SGCZ: variants seen among roughly 807,000 people sequenced by gnomAD.
SGCZ encodes zeta-sarcoglycan.
A neutral mutation model predicts 41.3 loss-of-function variants in SGCZ; 40 were observed. The ratio of observed to expected loss-of-function variants is 0.97; its 90% CI spans 0.75 to 1.26. SGCZ has a LOEUF of 1.26. SGCZ is among the 50% of genes most tolerant of loss of function. The pLI, the probability that SGCZ is intolerant of heterozygous loss-of-function variation, is 0.00. For missense variants in SGCZ, 552 were observed against 369.8 expected (o/e 1.49, Z -4.04); for synonymous variants, 206 against 137.5 (o/e 1.50, Z -3.49).
intron 4 of SGCZ, among the ~76,000 whole-genome samples, chr8:14,205,983 AAAG>A (rs1585230726): frequency 1.3e-5 from 2 of 152,124 alleles, no homozygotes; most frequent in African/African-American, 4.8e-5. Flanking sequence ...AGATTTAACT[AAAG>A]AAGTTACATA....
chr8:14,932,398 C>G (rs910281688), intron 1 of SGCZ, among the ~76,000 whole-genome samples: 1 of 151,984 alleles, frequency 6.6e-6, no homozygotes, highest in Non-Finnish European at 1.5e-5. Context: ...CAAAATGTCT[C>G]TTTCATCATG....
chr8:14,599,341 T>C (rs1055393112), intron 1 of SGCZ, among the ~76,000 whole-genome samples: 2 of 152,196 alleles, frequency 1.3e-5, no homozygotes, highest in African/African-American at 4.8e-5. Context: ...CTTGCTTTTT[T>C]TGTATTCACT....
At chr8:14,598,703 T>G (rs567016356) in intron 1 of SGCZ, among the ~76,000 whole-genome samples, 30 of 152,140 alleles carry the variant, frequency 2.0e-4, no homozygotes, top group African/African-American at 7.0e-4. Flanking sequence ...TTTTTTTTTG[T>G]AATTTTTGTA....
At chr8:14,624,399 T>C (rs1324417648) in intron 1 of SGCZ, among the ~76,000 whole-genome samples, 3 of 151,844 alleles carry the variant, frequency 2.0e-5, no homozygotes, top group Non-Finnish European at 4.4e-5. Context: ...TCATCGACTT[T>C]CAAATACATT....
intron 2 of SGCZ, among the ~76,000 whole-genome samples, chr8:14,387,520 T>G (rs1804618551): frequency 6.6e-6 from 1 of 152,194 alleles, no homozygotes; most frequent in Non-Finnish European, 1.5e-5. Flanking sequence ...AGATCATTGC[T>G]GGTAATTTTA....
chr8:14,087,366 T>C lies in SGCZ; in HGVS notation c.*3077A>G, dbSNP rs940676860. Among the ~76,000 whole-genome samples, 1 of 151,620 alleles carries C rather than the reference T, an allele frequency of 6.6e-6. No individual in the cohort carries two copies. Among genetic ancestry groups the C allele is most frequent in the Non-Finnish European group, 1.5e-5 (1 of 67,714 alleles). ...AAAGAAAAGAATAATGTGTCCTCTT[T>C]GCATCTTTCCTTTTGTGATCCCCCA... is the stretch of plus-strand genomic sequence containing the variant. On this transcript the variant is annotated 3_prime_UTR_variant, in exon 8 of 8. Coordinates refer to ENST00000382080, the MANE Select transcript of SGCZ (RefSeq NM_139167.4).
chr8:14,239,384 C>A (rs1483859927), intron 3 of SGCZ, among the ~76,000 whole-genome samples: 1 of 151,908 alleles, frequency 6.6e-6, no homozygotes, highest in Non-Finnish European at 1.5e-5. Context: ...CAGGAAAAGT[C>A]TATGAAACAT....
intron 1 of SGCZ, among the ~76,000 whole-genome samples, chr8:14,940,523 T>C (rs1268022493): frequency 1.3e-5 from 2 of 152,138 alleles, no homozygotes; most frequent in African/African-American, 2.4e-5. Context: ...GTAAAGAATA[T>C]AAATTTGCAA....
intron 2 of SGCZ, among the ~76,000 whole-genome samples, chr8:14,545,734 C>T (rs760004631): frequency 1.3e-5 from 2 of 152,142 alleles, no homozygotes; most frequent in Non-Finnish European, 2.9e-5. Flanking sequence ...CACCCCCTCA[C>T]TCTAGTCTAT....
chr8:14,855,316 C>G (rs999335259), intron 1 of SGCZ, among the ~76,000 whole-genome samples: 1 of 152,136 alleles, frequency 6.6e-6, no homozygotes, highest in Admixed American at 6.6e-5. Flanking sequence ...TCACAAAGTG[C>G]TGGGATTTCA....
At chr8:14,385,668 T>A (rs1585435585) in intron 2 of SGCZ, among the ~76,000 whole-genome samples, 1 of 151,796 alleles carries the variant, frequency 6.6e-6, no homozygotes. Context: ...ATGAGGTAAA[T>A]CAAAACTTTT....
intron 5 of SGCZ, among the ~76,000 whole-genome samples, chr8:14,162,967 C>T (rs1804091949): frequency 6.6e-6 from 1 of 152,170 alleles, no homozygotes; most frequent in African/African-American, 2.4e-5. Flanking sequence ...ACCTCCTGGG[C>T]TCAAGCCATC....
intron 1 of SGCZ, among the ~76,000 whole-genome samples, chr8:15,053,591 G>A (rs75510063): frequency 0.037 from 5,611 of 152,058 alleles, 353 homozygotes; most frequent in African/African-American, 0.13. Context: ...ATCCCATTCC[G>A]AGTTTCATGA....
At chr8:15,223,808 C>A (rs1199504185) in intron 1 of SGCZ, among the ~76,000 whole-genome samples, 2 of 152,060 alleles carry the variant, frequency 1.3e-5, no homozygotes, top group African/African-American at 4.8e-5. Flanking sequence ...AAAAGTATAG[C>A]AAAATCATTA....
intron 3 of SGCZ, among the ~76,000 whole-genome samples, chr8:14,250,781 T>C (rs922147542): frequency 5.3e-5 from 8 of 152,180 alleles, no homozygotes; most frequent in Admixed American, 5.2e-4. Context: ...CCAGCGCTCC[T>C]ATGCACCCAA....
intron 1 of SGCZ, among the ~76,000 whole-genome samples, chr8:14,615,357 G>A (rs1217189816): frequency 6.6e-6 from 1 of 152,176 alleles, no homozygotes; most frequent in Non-Finnish European, 1.5e-5. Flanking sequence ...TAGCCACTCA[G>A]GTGATTTCTC....
chr8:14,355,326 T>A (rs1236690719), intron 2 of SGCZ, among the ~76,000 whole-genome samples: 2 of 152,120 alleles, frequency 1.3e-5, no homozygotes, highest in African/African-American at 4.8e-5. Context: ...AGATTCCACA[T>A]AAATTCATAA....
chr8:14,429,258 A>G (rs1021083027), intron 2 of SGCZ, among the ~76,000 whole-genome samples: 2 of 152,186 alleles, frequency 1.3e-5, no homozygotes, highest in Non-Finnish European at 2.9e-5. Context: ...AGGAATTGAC[A>G]ATGCTGGATG....
At chr8:14,260,120 T>C (rs762145002) in intron 3 of SGCZ, among the ~76,000 whole-genome samples, 6 of 152,144 alleles carry the variant, frequency 3.9e-5, no homozygotes, top group African/African-American at 1.2e-4. Flanking sequence ...TGTTTGTCTG[T>C]TGTTGGTGTA....
Sources: allele counts gnomAD v4.1 joint callset (sites outside exome capture counted in the v4.1 genomes callset), GRCh38; gene constraint gnomAD v4.1.1; transcripts MANE v1.5; gene names NCBI Gene and HGNC (gene_info 2026-07-23, HGNC 2026-07-21).